The following TMEM132C variants were observed in gnomAD, a reference collection of about 807,000 sequenced individuals.
TMEM132C encodes the protein transmembrane protein 132C, also known as protein phosphatase 1, regulatory subunit 152.
A neutral mutation model predicts 61.4 loss-of-function variants in TMEM132C; 29 were observed. The observed-to-expected ratio is 0.47, with a 90% confidence interval of 0.35 to 0.64. The LOEUF (loss-of-function observed/expected upper bound fraction) is 0.64. Among genes scored for constraint, TMEM132C ranks in the 30% least tolerant of loss-of-function variants. The probability of loss-of-function intolerance (pLI) is 0.00; values close to 1 mark genes in which losing one functional copy is unlikely to be tolerated. For missense variants in TMEM132C, 1,408 were observed against 1,476.9 expected, an observed-to-expected ratio of 0.95 and a Z score of 0.76; for synonymous variants, 656 against 633.1, an observed-to-expected ratio of 1.04 and a Z score of -0.54.
chr12:128,662,684 A>T (rs1239152090), intron 4 of TMEM132C, among the ~76,000 whole-genome samples: 1 of 152,222 alleles, frequency 6.6e-6, no homozygotes, highest in Non-Finnish European at 1.5e-5. Context: ...GGTTTGGGGT[A>T]GCGGTGAGAA....
chr12:128,473,520 C>A, intron 2 of TMEM132C, among the ~76,000 whole-genome samples: 1 of 145,838 alleles, frequency 6.9e-6, no homozygotes, highest in African/African-American at 2.6e-5. Context: ...CCATCTTCAT[C>A]TTCACTCCAC....
intron 1 of TMEM132C, among the ~76,000 whole-genome samples, chr12:128,300,113 A>G (rs1263296092): frequency 6.6e-6 from 1 of 152,226 alleles, no homozygotes; most frequent in Non-Finnish European, 1.5e-5. Context: ...CTTTAAGGAG[A>G]TAGCCATAAG....
rs1222248570 is a variant in TMEM132C, at chr12:128,421,917, A to G, written c.974+6297A>G. 6.6e-5 allele frequency among the ~76,000 whole-genome samples: 10 copies of G among 151,846 alleles called. No individual in the cohort carries two copies. The East Asian group carries it at 1.9e-3, about 30-fold the overall frequency. ...CTGCTATATCCCCAGCCCTTGGTGT[A>G]TGACTTGGCAAAAAATAAAGCCCCA... On this transcript the variant is annotated intron_variant, in intron 2 of 8. Transcript: ENST00000435159.
intron 1 of TMEM132C, among the ~76,000 whole-genome samples, chr12:128,276,283 A>C (rs539361153): frequency 6.6e-6 from 1 of 152,216 alleles, no homozygotes; most frequent in Non-Finnish European, 1.5e-5. Context: ...ACAGTACAAT[A>C]CAATGGAAAC....
chr12:128,488,230 A>G (rs559556935), intron 2 of TMEM132C, among the ~76,000 whole-genome samples: 1 of 152,358 alleles, frequency 6.6e-6, no homozygotes, highest in African/African-American at 2.4e-5. Context: ...TGTGGATCAT[A>G]GAACATTTCT....
intron 2 of TMEM132C, among the ~76,000 whole-genome samples, chr12:128,462,340 C>G (rs768385146): frequency 3.3e-5 from 5 of 152,154 alleles, no homozygotes; most frequent in Non-Finnish European, 2.9e-5. Context: ...CTCCCAACCT[C>G]AGGGGATCCG....
chr12:128,665,465 A>G lies in TMEM132C; in HGVS notation c.1306-3952A>G, dbSNP rs535025756. Among the ~76,000 whole-genome samples, 4 of 151,308 alleles carry G rather than the reference A, an allele frequency of 2.6e-5. No homozygotes were observed. In the South Asian group the frequency reaches 8.4e-4, roughly 32 times the overall value. ...CATACACGTAGGCACTCACACACAC[A>G]CAAACATAGGCGCACACACACACAG... is the stretch of plus-strand genomic sequence containing the variant. On this transcript the variant is annotated intron_variant, in intron 4 of 8. Transcript: ENST00000435159.
At chr12:128,413,191 C>T (rs956541587) in intron 1 of TMEM132C, among the ~76,000 whole-genome samples, 11 of 144,572 alleles carry the variant, frequency 7.6e-5, no homozygotes, top group East Asian at 2.2e-4. Context: ...CCCAGCTACT[C>T]GGGAGGCCGA....
chr12:128,336,316 A>C (rs577184322), intron 1 of TMEM132C, among the ~76,000 whole-genome samples: 96 of 152,346 alleles, frequency 6.3e-4, no homozygotes, highest in African/African-American at 2.3e-3. Context: ...ATTTATATAC[A>C]TGGTCATTAT....
chr12:128,439,281 G>A (rs2136045296), intron 2 of TMEM132C: 1 of 152,246 alleles, frequency 6.6e-6, no homozygotes, highest in South Asian at 2.1e-4. Flanking sequence ...CATCTTTTGA[G>A]GCTGGGTACA....
At chr12:128,638,156 T>C (rs7961885) in intron 4 of TMEM132C, among the ~76,000 whole-genome samples, 42,967 of 152,024 alleles carry the variant, frequency 0.28, 6,853 homozygotes, top group African/African-American at 0.44. Flanking sequence ...GAAGGCTAAA[T>C]AATGAGTCAT....
intron 5 of TMEM132C, among the ~76,000 whole-genome samples, chr12:128,686,700 A>G (rs1954679866): frequency 6.6e-6 from 1 of 152,186 alleles, no homozygotes; most frequent in African/African-American, 2.4e-5. Context: ...TTGAGCATCC[A>G]CTGTGTGTCA....
intron 1 of TMEM132C, among the ~76,000 whole-genome samples, chr12:128,374,929 A>G (rs1200874847): frequency 6.9e-6 from 1 of 145,678 alleles, no homozygotes; most frequent in African/African-American, 2.7e-5. Flanking sequence ...AAAAAAAAAA[A>G]AAAAAAAAAT....
intron 2 of TMEM132C, among the ~76,000 whole-genome samples, chr12:128,533,527 G>A (rs981665225): frequency 7.9e-5 from 12 of 152,126 alleles, no homozygotes; most frequent in Non-Finnish European, 1.3e-4. Context: ...AGGTCTGAGG[G>A]ACTGTCTGTC....
At chr12:128,494,960 C>G (rs1354710465) in intron 2 of TMEM132C, among the ~76,000 whole-genome samples, 1 of 147,764 alleles carries the variant, frequency 6.8e-6, no homozygotes, top group East Asian at 2.1e-4. Flanking sequence ...TAGATCTTTC[C>G]TCCTTTCTCT....
intron 2 of TMEM132C, among the ~76,000 whole-genome samples, chr12:128,478,114 A>G (rs1276531724): frequency 1.3e-5 from 2 of 152,086 alleles, no homozygotes; most frequent in Admixed American, 6.5e-5. Flanking sequence ...CTCTGCCAAA[A>G]CCCAAATAGG....
intron 2 of TMEM132C, among the ~76,000 whole-genome samples, chr12:128,451,046 A>C (rs1870160586): frequency 6.6e-6 from 1 of 152,242 alleles, no homozygotes; most frequent in African/African-American, 2.4e-5. Flanking sequence ...AAACAAAAAC[A>C]GATTCAAAGT....
In TMEM132C at chr12:128,415,397, G is replaced by A. The variant is rs1009922915; in HGVS notation, c.751G>A (p.Ala251Thr). 58 of 1,550,236 alleles carry A rather than the reference G, an allele frequency of 3.7e-5. No homozygotes were observed. The highest frequency in any genetic ancestry group is 4.6e-5 in the Non-Finnish European group (53 of 1,145,914). Residue 251 changes from alanine (A) to threonine (T), a missense_variant, in exon 2 of 9, where the codon GCC becomes ACC. Coordinates refer to ENST00000435159, the MANE Select transcript of TMEM132C (RefSeq NM_001136103.3). This position sits in a 1 kb window ranked among gnomAD's most constrained non-coding sequence, Gnocchi z 5.8. ...CGGGGGTGACTTCAGGAAGGGCAAC[G>A]CCATCCGTCCAGGAAAGGATGGGCT... is the stretch of plus-strand genomic sequence containing the variant. ...CAGGDFRKGN[A>T]IRPGKDGLEE...
Position 128,540,573 on chromosome 12 carries a change from C to T in TMEM132C, c.975-3384C>T, listed in dbSNP as rs140294546. On this transcript the variant is annotated intron_variant, in intron 2 of 8. Transcript: ENST00000435159. ...AGCCAATTCTCTGTTTTCTTAAACA[C>T]GGATATTCTTTACTGCATAGGCTGT... is the stretch of plus-strand genomic sequence containing the variant. 8.3e-3 allele frequency among the ~76,000 whole-genome samples: 1,262 copies of T among 152,294 alleles called. 15 individuals carry two copies. Among genetic ancestry groups the T allele is most frequent in the African/African-American group, 0.03 (1,227 of 41,554 alleles).
Sources: allele counts gnomAD v4.1 joint callset (sites outside exome capture counted in the v4.1 genomes callset), GRCh38; gene constraint gnomAD v4.1.1; non-coding constraint Gnocchi (gnomAD v3.1); transcripts MANE v1.5; gene names NCBI Gene and HGNC (gene_info 2026-07-23, HGNC 2026-07-21).